IL1RAPL2: variants seen among roughly 807,000 people sequenced by gnomAD.
IL1RAPL2 encodes interleukin 1 receptor accessory protein like 2, also known as X-linked interleukin-1 receptor accessory protein-like 2.
IL1RAPL2 carries 3 observed loss-of-function variants against 44.1 expected under a neutral mutation model. The ratio of observed to expected loss-of-function variants is 0.07; its 90% CI spans 0.03 to 0.18. The LOEUF is 0.18. Among genes scored for constraint, IL1RAPL2 ranks in the 10% least tolerant of loss-of-function variants. The pLI is 1.00. For synonymous variants in IL1RAPL2, 181 were observed against 178.8 expected (o/e 1.01, Z -0.10); for missense variants, 391 against 496.4 (o/e 0.79, Z 2.02).
intron 2 of IL1RAPL2, among the ~76,000 whole-genome samples, chrX:104,733,469 C>T (rs1370221398): frequency 2.8e-5 from 3 of 108,402 alleles, no homozygotes; most frequent in African/African-American, 1.0e-4. Context: ...ACAACAAAAA[C>T]AAAAAACCGG....
chrX:105,243,553 ATATATATATGTGTG>A (rs1159335821), intron 4 of IL1RAPL2, among the ~76,000 whole-genome samples: 12 of 89,527 alleles, frequency 1.3e-4, no homozygotes, highest in South Asian at 9.5e-4. Context: ...GTGTGTATAT[ATATATATATGTGTG>A]TATATATATA....
At chrX:105,753,794 T>G (rs991129536) in intron 9 of IL1RAPL2, among the ~76,000 whole-genome samples, 2 of 112,003 alleles carry the variant, frequency 1.8e-5, no homozygotes, top group African/African-American at 6.5e-5. Flanking sequence ...TAAAGAGTAT[T>G]AACCCTTTCT....
intron 6 of IL1RAPL2, among the ~76,000 whole-genome samples, chrX:105,619,334 C>T (rs1284140793): frequency 9.1e-6 from 1 of 110,484 alleles, no homozygotes; most frequent in East Asian, 2.8e-4. Context: ...GATCAAGAGT[C>T]TCTAGTGATT....
intron 1 of IL1RAPL2, among the ~76,000 whole-genome samples, chrX:104,641,952 C>T (rs947701764): frequency 1.8e-5 from 2 of 111,584 alleles, no homozygotes; most frequent in Non-Finnish European, 3.8e-5. Context: ...CAGACTCACT[C>T]CCTGGAACAC....
chrX:104,911,773 T>C lies in IL1RAPL2; in HGVS notation c.82+252778T>C, dbSNP rs776590738. On this transcript the variant is annotated intron_variant, in intron 2 of 10. Coordinates refer to ENST00000372582, the MANE Select transcript of IL1RAPL2 (RefSeq NM_017416.2). ...GCTTCATCACCATCTCTTGCTACTC[T>C]GCTCCTTGCTCACTGCACTGTAGAC... 9.8e-5 allele frequency among the ~76,000 whole-genome samples: 11 copies of C among 112,251 alleles called. No individual in the cohort carries two copies. In the South Asian group the frequency reaches 3.0e-3, roughly 30 times the overall value.
At chrX:105,564,803 CT>C (rs2036963046) in intron 6 of IL1RAPL2, among the ~76,000 whole-genome samples, 1 of 111,644 alleles carries the variant, frequency 9.0e-6, no homozygotes, top group East Asian at 2.8e-4. Flanking sequence ...GAAAATATGC[CT>C]CTCACCCCAT....
chrX:104,994,998 C>T (rs1011766558), intron 2 of IL1RAPL2, among the ~76,000 whole-genome samples: 3 of 110,758 alleles, frequency 2.7e-5, no homozygotes, highest in African/African-American at 9.9e-5. Context: ...AAATACGCTA[C>T]TGCCAATTTT....
At chrX:104,654,052 T>C (rs1447089597) in intron 1 of IL1RAPL2, among the ~76,000 whole-genome samples, 2 of 109,986 alleles carry the variant, frequency 1.8e-5, no homozygotes, top group African/African-American at 6.6e-5. Flanking sequence ...AAAGATAATT[T>C]CCCCCCCACC....
chrX:105,547,387 T>C (rs1299436262), intron 6 of IL1RAPL2, among the ~76,000 whole-genome samples: 1 of 112,448 alleles, frequency 8.9e-6, no homozygotes, highest in Admixed American at 9.4e-5. Context: ...TAAGATCACC[T>C]AGTAAACCCC....
At chrX:105,002,029 A>C (rs1401396853) in intron 2 of IL1RAPL2, among the ~76,000 whole-genome samples, 2 of 111,032 alleles carry the variant, frequency 1.8e-5, no homozygotes, top group African/African-American at 3.3e-5. Flanking sequence ...CTGCAGAACG[A>C]ATTTCGGAAG....
intron 2 of IL1RAPL2, among the ~76,000 whole-genome samples, chrX:105,191,018 T>C (rs1161701332): frequency 8.9e-6 from 1 of 112,219 alleles, no homozygotes; most frequent in Non-Finnish European, 1.9e-5. Context: ...GCAAAATAAA[T>C]TGCATAGATG....
chrX:105,115,707 G>A (rs1276577162), intron 2 of IL1RAPL2, among the ~76,000 whole-genome samples: 1 of 113,016 alleles, frequency 8.8e-6, no homozygotes, highest in Non-Finnish European at 1.9e-5. Flanking sequence ...TCCCGCACTG[G>A]GCCGCAGGTG....
chrX:105,051,947 T>TA (rs781699690), intron 2 of IL1RAPL2, among the ~76,000 whole-genome samples: 1 of 112,342 alleles, frequency 8.9e-6, no homozygotes, highest in South Asian at 3.7e-4. Flanking sequence ...TATACCTATG[T>TA]AAAAAACCTG....
chrX:104,805,923 G>A (rs993560471), intron 2 of IL1RAPL2, among the ~76,000 whole-genome samples: 2 of 111,561 alleles, frequency 1.8e-5, no homozygotes, highest in Non-Finnish European at 3.8e-5. Context: ...TGAACCTAGA[G>A]GCCTTTGCTC....
intron 2 of IL1RAPL2, among the ~76,000 whole-genome samples, chrX:104,754,432 G>T (rs756592499): frequency 1.8e-5 from 2 of 111,720 alleles, no homozygotes; most frequent in African/African-American, 3.2e-5. Context: ...CCCATCTCAT[G>T]AGAAGTTCAT....
intron 2 of IL1RAPL2, among the ~76,000 whole-genome samples, chrX:104,882,013 C>T (rs1486248011): frequency 8.9e-6 from 1 of 112,231 alleles, no homozygotes; most frequent in African/African-American, 3.2e-5. Flanking sequence ...AAAAAATATT[C>T]TACCATGTTC....
At chrX:104,591,990 G>A (rs1928675509) in intron 1 of IL1RAPL2, among the ~76,000 whole-genome samples, 1 of 109,957 alleles carries the variant, frequency 9.1e-6, no homozygotes, top group African/African-American at 3.3e-5. Context: ...ATTATGTCCT[G>A]GGTATAAATT....
At chrX:105,015,239 A>C (rs774424994) in intron 2 of IL1RAPL2, among the ~76,000 whole-genome samples, 1 of 110,402 alleles carries the variant, frequency 9.1e-6, no homozygotes, top group Non-Finnish European at 1.9e-5. Flanking sequence ...AGATTGCAAA[A>C]ATTTTCTCCC....
At chrX:105,495,876 A>G (rs756533588) in intron 6 of IL1RAPL2, among the ~76,000 whole-genome samples, 1 of 111,672 alleles carries the variant, frequency 9.0e-6, no homozygotes, top group South Asian at 3.8e-4. Context: ...GTTAGCATGA[A>G]AAACTGGTTC....
Sources: gnomAD v4.1 joint callset for allele counts (sites outside exome capture counted in the v4.1 genomes callset) on GRCh38, gnomAD v4.1.1 for gene constraint, MANE v1.5 for transcripts, NCBI Gene and HGNC (gene_info 2026-07-23, HGNC 2026-07-21) for gene names.